GARNL3: variants seen among roughly 807,000 people sequenced by gnomAD.
GARNL3 encodes GTPase activating Rap/RanGAP domain like 3.
In GARNL3, 63 loss-of-function variants were observed where a neutral mutation model predicts 125.0. That is an observed-to-expected ratio of 0.50 (90% CI 0.41 to 0.62). The LOEUF (loss-of-function observed/expected upper bound fraction) is 0.62. Ranked by LOEUF, GARNL3 falls within the 20% of genes least tolerant of loss-of-function variation. The pLI is 0.00. For missense variants in GARNL3, 994 were observed against 1,244.0 expected (o/e 0.80, Z 3.02); for synonymous variants, 439 against 457.5 (o/e 0.96, Z 0.52).
intron 16 of GARNL3, among the ~76,000 whole-genome samples, chr9:127,347,051 A>G (rs749487537): frequency 6.6e-6 from 1 of 152,190 alleles, no homozygotes; most frequent in African/African-American, 2.4e-5. Flanking sequence ...GCACGCCCCA[A>G]TATTCAACAG....
rs1177064509 is a variant in GARNL3 at position 127,392,528 on chromosome 9, C to T, written c.2871-555C>T. 2.0e-5 allele frequency among the ~76,000 whole-genome samples: 3 copies of T among 152,218 alleles called. No individual in the cohort carries two copies. The highest frequency in any genetic ancestry group is 4.8e-5 in the African/African-American group (2 of 41,454). On this transcript the variant is annotated intron_variant, in intron 27 of 27. Coordinates refer to ENST00000373387, the MANE Select transcript of GARNL3 (RefSeq NM_032293.5). This position sits in a 1 kb window ranked among gnomAD's most constrained non-coding sequence, Gnocchi z 5.2. ...AGTGGACAGGCTTGAGCATAGAGAA[C>T]GGAGCCAGGAACTGTGTGAGGCCGA...
chr9:127,315,188 G>T lies in GARNL3; in HGVS notation c.438+1629G>T, dbSNP rs191317384. Among the ~76,000 whole-genome samples, 11 of 152,332 alleles carry T rather than the reference G, an allele frequency of 7.2e-5. No homozygotes were observed. The East Asian group carries it at 2.1e-3, about 29-fold the overall frequency. On this transcript the variant is annotated intron_variant, in intron 4 of 27. Coordinates refer to ENST00000373387, the MANE Select transcript of GARNL3 (RefSeq NM_032293.5). ...AGTGCTGAAGGGAGGGAGGAACTGA[G>T]AAATCAAAACTGAGCATTGGCACAA...
intron 1 of GARNL3, chr9:127,243,042 C>T (rs1366820592): frequency 1.2e-5 from 16 of 1,318,166 alleles, no homozygotes; most frequent in African/African-American, 1.5e-5. Flanking sequence ...CCGTTCTTCT[C>T]TGTCTCTTAG....
chr9:127,366,111 G>C (rs1177836115), intron 22 of GARNL3, among the ~76,000 whole-genome samples: 1 of 152,158 alleles, frequency 6.6e-6, no homozygotes, highest in Non-Finnish European at 1.5e-5. Flanking sequence ...AGTCTAACAA[G>C]ACATAAAACA....
In GARNL3 at chr9:127,357,171, G is replaced by A. The variant is rs1391389821; in HGVS notation, c.1936-48G>A. ...GGCAGTGGGGCTTGGCATGGAGCTG[G>A]CTGCTCTGTTCTCACCCCTGTCTCT... On this transcript the variant is annotated intron_variant, in intron 20 of 27. Transcript: ENST00000373387. 1.9e-6 allele frequency: 3 copies of A among 1,593,728 alleles called. No homozygotes were observed. The South Asian group carries it at 3.3e-5, about 18-fold the overall frequency.
At chr9:127,389,262 C>G in intron 26 of GARNL3, 143 bp downstream of exon 26, 2 of 630,438 alleles carry the variant, frequency 3.2e-6, no homozygotes, top group Non-Finnish European at 5.6e-6. Context: ...TCTAATACCT[C>G]TATACCAAGG....
intron 17 of GARNL3, chr9:127,353,397 G>A (rs1247142585): frequency 6.4e-6 from 1 of 155,348 alleles, no homozygotes; most frequent in Non-Finnish European, 1.4e-5. Flanking sequence ...TTGCTTTCTT[G>A]AGGTATGTAC....
At position 127,393,377 on chromosome 9, in the gene GARNL3, C is replaced by T. The variant is rs566676790; in HGVS notation, c.*123C>T. The T allele has an allele frequency of 2.5e-6, 2 of 795,056 alleles. No homozygotes were observed. Among genetic ancestry groups the T allele is most frequent in the Admixed American group, 2.5e-5 (1 of 39,536 alleles). The allele number at this position is 795,056 out of a possible 1,614,324, so 49.3% of individuals were successfully genotyped here. ...CCTGTCAGTGATCTATTGGACCAAA[C>T]CTTCTGCACACTCGGCCAGTTCCCT... On this transcript the variant is annotated 3_prime_UTR_variant, in exon 28 of 28. Transcript: ENST00000373387.
chr9:127,367,235 G>A (rs1030537045), intron 22 of GARNL3: 1 of 152,218 alleles, frequency 6.6e-6, no homozygotes, highest in Non-Finnish European at 1.5e-5. Flanking sequence ...CGTGGAATTT[G>A]CCTGTTTAGT....
At position 127,390,705 on chromosome 9, in the gene GARNL3, G is replaced by A. The variant is rs1304371052; in HGVS notation, c.2808G>A (p.Lys936=). 12 of 1,614,076 alleles carry A rather than the reference G, an allele frequency of 7.4e-6. No individual in the cohort carries two copies. Among genetic ancestry groups the A allele is most frequent in the Non-Finnish European group, 1.0e-5 (12 of 1,179,924 alleles). The change falls in exon 27 of 28, where the codon AAG becomes AAA. Residue 936 remains lysine (K), a synonymous_variant. Coordinates refer to ENST00000373387, the MANE Select transcript of GARNL3 (RefSeq NM_032293.5). ...CAAAGGCCAAATCAAAACCCCGGAAGCGGTTAGAAGAAAGCCAAGGAGGCC... is the reference window on the plus strand; with the variant it reads ...CAAAGGCCAAATCAAAACCCCGGAAACGGTTAGAAGAAAGCCAAGGAGGCC... The part of the protein sequence containing the change: ...GAPKAKSKPR[K]RLEESQGGPK...
intron 2 of GARNL3, among the ~76,000 whole-genome samples, chr9:127,252,081 C>T (rs2063415161): frequency 6.6e-6 from 1 of 152,156 alleles, no homozygotes; most frequent in Non-Finnish European, 1.5e-5. Context: ...AAATTATCGC[C>T]CTTTGTCAAA....
intron 2 of GARNL3, among the ~76,000 whole-genome samples, chr9:127,307,407 G>A (rs62578828): frequency 0.14 from 21,188 of 152,196 alleles, 1,863 homozygotes; most frequent in East Asian, 0.21. Context: ...TGCCATCCAC[G>A]CATCTCTTGG....
intron 15 of GARNL3, among the ~76,000 whole-genome samples, chr9:127,344,736 G>A (rs1830047604): frequency 6.6e-6 from 1 of 152,212 alleles, no homozygotes. Flanking sequence ...GGCACTCACA[G>A]AAGACTTGAA....
intron 14 of GARNL3, among the ~76,000 whole-genome samples, chr9:127,342,814 A>T (rs1829933393): frequency 6.6e-6 from 1 of 151,578 alleles, no homozygotes; most frequent in Non-Finnish European, 1.5e-5. Context: ...AGACCCAGAC[A>T]CTTCGTAGGC....
chr9:127,391,082 C>A (rs1461069462), intron 27 of GARNL3, among the ~76,000 whole-genome samples: 6 of 151,998 alleles, frequency 3.9e-5, no homozygotes, highest in Non-Finnish European at 7.4e-5. Context: ...GTCAGGAGTT[C>A]GAGACTAGGC....
chr9:127,333,105 C>A lies in GARNL3; in HGVS notation c.753C>A (p.Gly251=). Residue 251 remains glycine, a synonymous_variant, in exon 9 of 28, where the codon GGC becomes GGA. Transcript: ENST00000373387. ...TAAAGGGCTGGACGGGCTACCGTGG[C>A]GGTCTGGATACCAAAAGTAAGCCTG... The part of the protein sequence containing the change: ...ITLKGWTGYR[G]GLDTKNDTTG... The A allele has an allele frequency of 6.2e-7, 1 of 1,613,378 alleles. No individual in the cohort carries two copies. Among genetic ancestry groups the A allele is most frequent in the Non-Finnish European group, 8.5e-7 (1 of 1,179,418 alleles).
At chr9:127,232,129 T>C (rs2063029613) in intron 1 of GARNL3, among the ~76,000 whole-genome samples, 2 of 152,196 alleles carry the variant, frequency 1.3e-5, no homozygotes, top group Non-Finnish European at 2.9e-5. Context: ...AGTCAAAGCT[T>C]GCCTCATTAT....
At chr9:127,325,208 T>TG in intron 7 of GARNL3, 113 bp downstream of exon 7, 2 of 1,029,110 alleles carry the variant, frequency 1.9e-6, no homozygotes, top group Non-Finnish European at 3.0e-6. Flanking sequence ...CATGTAGATT[T>TG]GCACAGTGGG....
At chr9:127,329,763 G>A (rs111940437) in intron 7 of GARNL3, among the ~76,000 whole-genome samples, 5,809 of 152,120 alleles carry the variant, frequency 0.038, 311 homozygotes, top group African/African-American at 0.12. Flanking sequence ...TTCCAGCTCC[G>A]GTCCTACCGT....
Sources: allele counts gnomAD v4.1 joint callset (sites outside exome capture counted in the v4.1 genomes callset), GRCh38; gene constraint gnomAD v4.1.1; non-coding constraint Gnocchi (gnomAD v3.1); transcripts MANE v1.5; gene names NCBI Gene and HGNC (gene_info 2026-07-23, HGNC 2026-07-21).